DLC1: variants seen among roughly 807,000 people sequenced by gnomAD.
The protein encoded by DLC1 is DLC1 Rho GTPase activating protein, also known as rho GTPase-activating protein 7.
In DLC1, 54 loss-of-function variants were observed where a neutral mutation model predicts 140.3. That is an observed-to-expected ratio of 0.38 (90% CI 0.31 to 0.48). The LOEUF (loss-of-function observed/expected upper bound fraction) is 0.48, where lower values mean the gene tolerates loss of function less well. DLC1 is among the 20% of genes least tolerant of loss of function. The probability of loss-of-function intolerance (pLI) is 0.96; values close to 1 mark genes in which losing one functional copy is unlikely to be tolerated. For synonymous variants in DLC1, 986 were observed against 728.1 expected (o/e 1.35, Z -5.70); for missense variants, 2,536 against 1,907.0 (o/e 1.33, Z -6.14).
intron 2 of DLC1, among the ~76,000 whole-genome samples, chr8:13,420,660 G>T (rs1412641034): frequency 1.3e-5 from 2 of 151,924 alleles, no homozygotes; most frequent in Non-Finnish European, 2.9e-5. Flanking sequence ...GCAGTATTTG[G>T]TTTTCTGTTC....
chr8:13,509,847 T>C (rs992929544), intron 1 of DLC1, among the ~76,000 whole-genome samples: 3 of 152,180 alleles, frequency 2.0e-5, no homozygotes, highest in Non-Finnish European at 2.9e-5. Context: ...CTAAATTCTA[T>C]GTACCTCAGT....
chr8:13,329,867 A>G (rs1269682976), intron 4 of DLC1, among the ~76,000 whole-genome samples: 1 of 136,308 alleles, frequency 7.3e-6, no homozygotes, highest in Non-Finnish European at 1.7e-5. Context: ...TGATTGATAT[A>G]TACACAAGTG....
rs922093616 is a variant in DLC1, at chr8:13,110,608, A to G, written c.1502+134T>C. ...TACTTAGTTTTTAATTAAAAGGTCT[A>G]TGATCACTCTATGGTTTGCCAATAA... On this transcript the variant is annotated intron_variant, in intron 7 of 17. Coordinates refer to ENST00000276297, the MANE Select transcript of DLC1 (RefSeq NM_182643.3). 1.8e-5 allele frequency: 14 copies of G among 798,352 alleles called. No homozygotes were observed. In the Middle Eastern group the frequency reaches 7.4e-4, roughly 42 times the overall value. 49.5% of individuals were successfully genotyped at this position (798,352 alleles called of 1,614,324 possible).
intron 5 of DLC1, among the ~76,000 whole-genome samples, chr8:13,252,417 C>T (rs1264707516): frequency 6.6e-6 from 1 of 152,248 alleles, no homozygotes; most frequent in African/African-American, 2.4e-5. Context: ...AACTCTTGTT[C>T]ATTGTTAAGA....
At chr8:13,402,496 A>G (rs1385626128) in intron 2 of DLC1, among the ~76,000 whole-genome samples, 3 of 152,248 alleles carry the variant, frequency 2.0e-5, no homozygotes, top group African/African-American at 4.8e-5. Flanking sequence ...GTTCTTCAAA[A>G]GCAACATCTA....
chr8:13,357,332 A>C (rs527571900), intron 4 of DLC1, among the ~76,000 whole-genome samples: 17 of 152,302 alleles, frequency 1.1e-4, no homozygotes, highest in African/African-American at 3.8e-4. Context: ...TTTGACACCT[A>C]TGTGTTTCAG....
chr8:13,487,620 C>T (rs1428537331), intron 2 of DLC1, among the ~76,000 whole-genome samples: 1 of 151,224 alleles, frequency 6.6e-6, no homozygotes, highest in African/African-American at 2.4e-5. Context: ...GTTGCCCAGG[C>T]TGGAGTGCAA....
intron 5 of DLC1, among the ~76,000 whole-genome samples, chr8:13,121,727 A>AT (rs953787443): frequency 2.5e-4 from 13 of 51,920 alleles, no homozygotes; most frequent in African/African-American, 5.9e-4. Context: ...TTTTTATACT[A>AT]TTTTTTATAG....
intron 13 of DLC1, among the ~76,000 whole-genome samples, chr8:13,091,910 C>G (rs995045215): frequency 3.3e-5 from 5 of 152,254 alleles, no homozygotes; most frequent in African/African-American, 1.2e-4. Flanking sequence ...ATCTCTAGCT[C>G]TGTATCCCAT....
chr8:13,401,369 G>A (rs1837288361), intron 3 of DLC1, 101 bp downstream of exon 3: 1 of 1,447,130 alleles, frequency 6.9e-7, no homozygotes. Context: ...GTTACATGTT[G>A]TTAGATGCCA....
intron 5 of DLC1, among the ~76,000 whole-genome samples, chr8:13,167,342 G>T (rs1353081353): frequency 6.6e-6 from 1 of 152,078 alleles, no homozygotes; most frequent in Non-Finnish European, 1.5e-5. Flanking sequence ...TCATATGAGG[G>T]GTTTGGGGAC....
intron 4 of DLC1, among the ~76,000 whole-genome samples, chr8:13,323,152 G>A (rs1479350500): frequency 6.6e-6 from 1 of 152,156 alleles, no homozygotes; most frequent in African/African-American, 2.4e-5. Context: ...CTGGCACACG[G>A]CAACTGTGTG....
intron 5 of DLC1, among the ~76,000 whole-genome samples, chr8:13,239,173 T>C (rs879374684): frequency 6.6e-6 from 1 of 152,182 alleles, no homozygotes; most frequent in African/African-American, 2.4e-5. Context: ...ATATGTTATA[T>C]CTAGTGCTCA....
chr8:13,265,658 T>A lies in DLC1; in HGVS notation c.1348+39611A>T, dbSNP rs544526871. On this transcript the variant is annotated intron_variant, in intron 5 of 17. Transcript: ENST00000276297. ...CAAATGTCCTTCATAGGCTGTGGGT[T>A]TTTTTTCCTTCCCTTCTTCCTTCTC... Among the ~76,000 whole-genome samples the A allele has an allele frequency of 7.9e-5, 12 of 152,038 alleles. No individual in the cohort carries two copies. In the South Asian group the frequency reaches 2.5e-3, roughly 32 times the overall value.
Position 13,299,559 on chromosome 8 carries a change from C to T in DLC1, c.1348+5710G>A, listed in dbSNP as rs76016166. Among the ~76,000 whole-genome samples the T allele has an allele frequency of 9.4e-5, 14 of 148,314 alleles. No homozygotes were observed. The East Asian group carries it at 1.2e-3, about 13-fold the overall frequency. On this transcript the variant is annotated intron_variant, in intron 5 of 17. Transcript: ENST00000276297. ...TCCGCCTATCATCTGGTGCCAGTTG[C>T]ATGCCACAGACCTAGGCAGAAGATG...
chr8:13,328,260 T>C (rs1833450212), intron 4 of DLC1, among the ~76,000 whole-genome samples: 2 of 152,294 alleles, frequency 1.3e-5, no homozygotes, highest in South Asian at 4.1e-4. Flanking sequence ...AGAGATGGCA[T>C]TGACAGGTAA....
At chr8:13,184,475 T>C (rs1826229572) in intron 5 of DLC1, among the ~76,000 whole-genome samples, 1 of 152,226 alleles carries the variant, frequency 6.6e-6, no homozygotes, top group Non-Finnish European at 1.5e-5. Context: ...TTTAAATGTG[T>C]GCCAGAGATT....
intron 5 of DLC1, among the ~76,000 whole-genome samples, chr8:13,288,401 T>G (rs1831617241): frequency 6.6e-6 from 1 of 152,220 alleles, no homozygotes; most frequent in Non-Finnish European, 1.5e-5. Context: ...TTTTCCACTC[T>G]TCTCTCCTTC....
At chr8:13,354,428 C>T (rs995539590) in intron 4 of DLC1, among the ~76,000 whole-genome samples, 3 of 151,708 alleles carry the variant, frequency 2.0e-5, no homozygotes, top group African/African-American at 7.3e-5. Flanking sequence ...TGTGTGGCAA[C>T]GACTAGGTGC....
Sources: gnomAD v4.1 joint callset for allele counts (sites outside exome capture counted in the v4.1 genomes callset) on GRCh38, gnomAD v4.1.1 for gene constraint, MANE v1.5 for transcripts, NCBI Gene and HGNC (gene_info 2026-07-23, HGNC 2026-07-21) for gene names.